Variants in PRKACB observed in about 807,000 individuals in gnomAD.
The protein encoded by PRKACB is cAMP-dependent protein kinase catalytic subunit beta.
Under a neutral mutation model 51.4 loss-of-function variants are expected in PRKACB, and 16 were observed. The ratio of observed to expected loss-of-function variants is 0.31; its 90% CI spans 0.21 to 0.47. The LOEUF (loss-of-function observed/expected upper bound fraction) is 0.47, where lower values mean the gene tolerates loss of function less well. Among genes scored for constraint, PRKACB ranks in the 20% least tolerant of loss-of-function variants. The pLI is 1.00. For missense variants in PRKACB, 309 were observed against 464.5 expected, an observed-to-expected ratio of 0.67 and a Z score of 3.08; for synonymous variants, 147 against 154.4, an observed-to-expected ratio of 0.95 and a Z score of 0.35.
chr1:84,101,357 T>C (rs1289195069), intron 1 of PRKACB, among the ~76,000 whole-genome samples: 5 of 152,196 alleles, frequency 3.3e-5, no homozygotes, highest in Non-Finnish European at 5.9e-5. Flanking sequence ...CTGTGGACTT[T>C]AGTCACATCT....
chr1:84,078,310 T>G, exon 1 of PRKACB: 1 of 1,607,922 alleles, frequency 6.2e-7, no homozygotes, highest in Non-Finnish European at 8.5e-7. Flanking sequence ...GACCCCTTCT[T>G]GCCATCGCCC....
chr1:84,196,668 C>T lies in PRKACB; in HGVS notation c.613C>T (p.Leu205Phe). Residue 205 changes from leucine to phenylalanine, a missense_variant, in exon 6 of 10, where the codon CTC (leucine) becomes TTC (phenylalanine). This residue lies in a region of PRKACB where 60 missense variants were observed against 144.4 expected (regional missense o/e 0.42). Transcript: ENST00000370685. ...TCAGATAGTGCTAACATTCGAGTAC[C>T]TCCATTCACTAGACCTCATCTACAG... ...AAQIVLTFEY[L>F]HSLDLIYRDL... 6.2e-7 allele frequency: 1 copy of T among 1,613,482 alleles called. No individual in the cohort carries two copies. Among genetic ancestry groups the T allele is most frequent in the Non-Finnish European group, 8.5e-7 (1 of 1,179,540 alleles).
chr1:84,153,326 T>C (rs1558033676), intron 1 of PRKACB, among the ~76,000 whole-genome samples: 1 of 152,142 alleles, frequency 6.6e-6, no homozygotes, highest in East Asian at 1.9e-4. Context: ...GCACATGCTG[T>C]AAGAAAAATG....
intron 2 of PRKACB, among the ~76,000 whole-genome samples, chr1:84,181,098 A>G (rs138612507): frequency 4.9e-4 from 75 of 152,198 alleles, no homozygotes; most frequent in Non-Finnish European, 8.5e-4. Context: ...AAAACAAGCT[A>G]TAAGTAAAAC....
intron 1 of PRKACB, among the ~76,000 whole-genome samples, chr1:84,108,605 G>A (rs181720999): frequency 2.0e-4 from 30 of 151,996 alleles, no homozygotes; most frequent in African/African-American, 5.5e-4. Context: ...TAATCCACCC[G>A]AAGACCCTCC....
At chr1:84,182,383 G>T in intron 3 of PRKACB, 55 bp downstream of exon 3, 2 of 1,393,156 alleles carry the variant, frequency 1.4e-6, no homozygotes, top group Non-Finnish European at 1.9e-6. Flanking sequence ...TTATCAGCTA[G>T]ACTATTAAAC....
chr1:84,122,185 A>G (rs1304204974), intron 1 of PRKACB, among the ~76,000 whole-genome samples: 4 of 152,092 alleles, frequency 2.6e-5, no homozygotes, highest in African/African-American at 9.7e-5. Flanking sequence ...TCTCCCTCTG[A>G]TGTAAATTGG....
At chr1:84,219,065 TA>T (rs1472194337) in intron 9 of PRKACB, among the ~76,000 whole-genome samples, 1 of 152,196 alleles carries the variant, frequency 6.6e-6, no homozygotes, top group African/African-American at 2.4e-5. Flanking sequence ...AGTTTGCAAA[TA>T]TTTTTTTCTC....
intron 1 of PRKACB, among the ~76,000 whole-genome samples, chr1:84,123,919 A>C (rs1308695496): frequency 1.3e-5 from 2 of 152,150 alleles, no homozygotes; most frequent in African/African-American, 2.4e-5. Context: ...TTTTACACTC[A>C]ATAATATTAA....
chr1:84,174,768 G>T (rs1219384283), intron 1 of PRKACB, among the ~76,000 whole-genome samples: 1 of 151,882 alleles, frequency 6.6e-6, no homozygotes, highest in East Asian at 1.9e-4. Context: ...GAGGACTATT[G>T]TTGTGAGAAC....
intron 1 of PRKACB, 108 bp from the exon 2 acceptor site, chr1:84,179,069 G>A: frequency 8.0e-7 from 1 of 1,247,192 alleles, no homozygotes; most frequent in African/African-American, 1.5e-5. Flanking sequence ...TATCACAATA[G>A]ATGACATGTC....
At chr1:84,207,669 C>T (rs983911610) in intron 8 of PRKACB, among the ~76,000 whole-genome samples, 5 of 152,098 alleles carry the variant, frequency 3.3e-5, no homozygotes, top group Admixed American at 6.6e-5. Context: ...CCTTTTGAGT[C>T]ATGTAAGCCT....
chr1:84,117,028 T>C (rs1407071721), intron 1 of PRKACB, among the ~76,000 whole-genome samples: 1 of 152,072 alleles, frequency 6.6e-6, no homozygotes, highest in African/African-American at 2.4e-5. Context: ...TATGAAGGGA[T>C]GTTGAGTTTT....
chr1:84,100,979 G>A (rs1036474497), intron 1 of PRKACB, among the ~76,000 whole-genome samples: 2 of 152,040 alleles, frequency 1.3e-5, no homozygotes. Flanking sequence ...AAAAATTTGT[G>A]AAGTTTTTAC....
At chr1:84,169,604 G>T (rs1172083928) in intron 1 of PRKACB, among the ~76,000 whole-genome samples, 3 of 151,460 alleles carry the variant, frequency 2.0e-5, no homozygotes, top group East Asian at 1.9e-4. Context: ...AGCAGGACAA[G>T]AAATTATAAA....
rs759526728 is a variant in PRKACB at position 84,235,327 on chromosome 1, A to T, written c.*22A>T. 2.5e-6 allele frequency: 4 copies of T among 1,613,738 alleles called. No individual in the cohort carries two copies. In the South Asian group the frequency reaches 4.4e-5, roughly 18 times the overall value. On this transcript the variant is annotated 3_prime_UTR_variant, in exon 10 of 10. Transcript: ENST00000370685. ...TTAAAGAGGAACAAGATGACATCTG[A>T]GCTCACACTCAGTGTTTGCACTCTG...
intron 6 of PRKACB, among the ~76,000 whole-genome samples, 154 bp from the exon 7 acceptor site, chr1:84,197,575 G>T (rs1037558222): frequency 3.9e-5 from 6 of 151,954 alleles, no homozygotes; most frequent in South Asian, 4.1e-4. Context: ...TCATTCACTA[G>T]ATATTCATGA....
intron 1 of PRKACB, among the ~76,000 whole-genome samples, chr1:84,125,968 A>AG (rs1388342408): frequency 4.7e-4 from 71 of 150,856 alleles, no homozygotes; most frequent in African/African-American, 1.7e-3. Flanking sequence ...CGCAGCTCTC[A>AG]TCCCCTCACG....
intron 1 of PRKACB, among the ~76,000 whole-genome samples, chr1:84,127,718 T>A (rs6695305): frequency 0.48 from 72,425 of 151,934 alleles, 17,937 homozygotes; most frequent in Non-Finnish European, 0.56. Flanking sequence ...ACTTTTGAAA[T>A]GTTATTTTGC....
Sources: allele counts gnomAD v4.1 joint callset (sites outside exome capture counted in the v4.1 genomes callset), GRCh38; gene constraint gnomAD v4.1.1; regional missense constraint gnomAD v4.1.1; transcripts MANE v1.5; gene names NCBI Gene and HGNC (gene_info 2026-07-23, HGNC 2026-07-21).